Variants in OPCML observed in about 807,000 individuals in gnomAD.
OPCML encodes the protein opioid-binding protein/cell adhesion molecule.
Under a neutral mutation model 37.8 loss-of-function variants are expected in OPCML, and 13 were observed. The observed-to-expected ratio is 0.34, with a 90% CI of 0.22 to 0.55. The LOEUF (loss-of-function observed/expected upper bound fraction) is 0.55. Among genes scored for constraint, OPCML ranks in the 20% least tolerant of loss-of-function variants. OPCML has a pLI of 0.91. For synonymous variants in OPCML, 176 were observed against 168.8 expected (o/e 1.04, Z -0.33); for missense variants, 341 against 435.6 (o/e 0.78, Z 1.93).
chr11:132,900,095 T>C (rs977695458), intron 2 of OPCML, among the ~76,000 whole-genome samples: 3 of 152,176 alleles, frequency 2.0e-5, no homozygotes, highest in African/African-American at 4.8e-5. Context: ...TAGAGAACCC[T>C]GAGTAATACA....
At chr11:132,730,133 C>A (rs1945027590) in intron 2 of OPCML, among the ~76,000 whole-genome samples, 1 of 151,302 alleles carries the variant, frequency 6.6e-6, no homozygotes, top group South Asian at 2.1e-4. Context: ...CTGCCTCAGC[C>A]TCCCGAGTAG....
At chr11:132,951,513 G>T (rs1419477529) in intron 1 of OPCML, among the ~76,000 whole-genome samples, 6 of 152,158 alleles carry the variant, frequency 3.9e-5, no homozygotes, top group Non-Finnish European at 7.4e-5. Flanking sequence ...GAGTCACATT[G>T]GTGCTCAGAA....
intron 3 of OPCML, among the ~76,000 whole-genome samples, chr11:132,638,244 A>G (rs1940646056): frequency 6.7e-6 from 1 of 149,024 alleles, no homozygotes; most frequent in Non-Finnish European, 1.5e-5. Context: ...ATACATATCC[A>G]GCTTGATGTA....
chr11:132,653,435 T>C (rs564020180), intron 3 of OPCML, among the ~76,000 whole-genome samples: 18 of 152,264 alleles, frequency 1.2e-4, no homozygotes, highest in African/African-American at 4.1e-4. Context: ...GCTGCCAGGC[T>C]GATTTTCCCC....
intron 1 of OPCML, among the ~76,000 whole-genome samples, chr11:133,259,532 CT>C (rs1941424178): frequency 6.6e-6 from 1 of 152,182 alleles, no homozygotes; most frequent in African/African-American, 2.4e-5. Flanking sequence ...TCCTTGAAAT[CT>C]GAGATGTAGA....
intron 1 of OPCML, among the ~76,000 whole-genome samples, chr11:133,106,307 G>C (rs535939506): frequency 1.2e-4 from 19 of 152,292 alleles, no homozygotes; most frequent in Admixed American, 5.9e-4. Flanking sequence ...TGGGCCTGCA[G>C]GTTTCTAGAA....
At chr11:132,768,091 C>T (rs1432608585) in intron 2 of OPCML, among the ~76,000 whole-genome samples, 2 of 152,182 alleles carry the variant, frequency 1.3e-5, no homozygotes, top group African/African-American at 4.8e-5. Context: ...CACGTACACG[C>T]TGTGGTATAT....
At chr11:133,102,883 A>T (rs774775216) in intron 1 of OPCML, among the ~76,000 whole-genome samples, 4 of 152,234 alleles carry the variant, frequency 2.6e-5, no homozygotes, top group Non-Finnish European at 4.4e-5. Flanking sequence ...AGATAGAATT[A>T]TGACTATGGG....
chr11:132,468,622 C>A (rs2096126591), intron 4 of OPCML, among the ~76,000 whole-genome samples: 1 of 152,078 alleles, frequency 6.6e-6, no homozygotes, highest in South Asian at 2.1e-4. Context: ...CCAAGTATTC[C>A]AAATGAGTAT....
At chr11:132,484,679 C>T (rs2096193508) in intron 4 of OPCML, among the ~76,000 whole-genome samples, 1 of 151,992 alleles carries the variant, frequency 6.6e-6, no homozygotes, top group Non-Finnish European at 1.5e-5. Flanking sequence ...AAATGTCCAA[C>T]AACGATAGAC....
chr11:133,095,527 C>CA (rs574548840), intron 1 of OPCML, among the ~76,000 whole-genome samples: 2 of 146,086 alleles, frequency 1.4e-5, no homozygotes, highest in African/African-American at 2.5e-5. Flanking sequence ...TTAGTACCTT[C>CA]AAAAAAATGC....
At chr11:133,373,002 T>A (rs1234110929) in intron 1 of OPCML, among the ~76,000 whole-genome samples, 1 of 152,214 alleles carries the variant, frequency 6.6e-6, no homozygotes, top group Non-Finnish European at 1.5e-5. Context: ...TACAAAATAC[T>A]CTTTTCTTTG....
At chr11:133,076,808 C>A (rs898606934) in intron 1 of OPCML, among the ~76,000 whole-genome samples, 1 of 152,106 alleles carries the variant, frequency 6.6e-6, no homozygotes, top group South Asian at 2.1e-4. Flanking sequence ...GTGAAACATG[C>A]ACCTCCTGAC....
At chr11:132,505,894 A>G (rs952369793) in intron 4 of OPCML, among the ~76,000 whole-genome samples, 1 of 152,084 alleles carries the variant, frequency 6.6e-6, no homozygotes, top group Non-Finnish European at 1.5e-5. Context: ...TCTGCGAAAA[A>G]AAAAAAAAAT....
chr11:132,956,646 T>C (rs1167389673), intron 1 of OPCML, among the ~76,000 whole-genome samples: 5 of 152,194 alleles, frequency 3.3e-5, no homozygotes, highest in Admixed American at 2.0e-4. Context: ...ACCACACTTA[T>C]GTTAGACAAC....
In OPCML at chr11:133,177,104, C is replaced by G. The variant is rs528511263; in HGVS notation, c.62-234094G>C. Among the ~76,000 whole-genome samples the G allele has an allele frequency of 6.6e-6, 1 of 152,182 alleles. No individual in the cohort carries two copies. Among genetic ancestry groups the G allele is most frequent in the Admixed American group, 6.5e-5 (1 of 15,286 alleles). On this transcript the variant is annotated intron_variant, in intron 1 of 7. Coordinates refer to ENST00000524381, the MANE Select transcript of OPCML (RefSeq NM_001012393.5). This position sits in a 1 kb window ranked among gnomAD's most constrained non-coding sequence, Gnocchi z 5.0. ...GTCCAAGGGCCAGGTGTCACCACAA[C>G]CATGTATGTGTGATGGTTCTGTAAA...
intron 1 of OPCML, among the ~76,000 whole-genome samples, chr11:133,034,077 AGCTTGCTT>A (rs1476895983): frequency 6.6e-6 from 1 of 152,198 alleles, no homozygotes; most frequent in Non-Finnish European, 1.5e-5. Flanking sequence ...AGTGTGAAAG[AGCTTGCTT>A]GCCAACCATG....
chr11:133,000,666 C>T (rs77899512), intron 1 of OPCML, among the ~76,000 whole-genome samples: 4,222 of 152,300 alleles, frequency 0.028, 101 homozygotes, highest in Non-Finnish European at 0.044. Flanking sequence ...AGAAACCACA[C>T]TCTCTTTTCA....
intron 3 of OPCML, among the ~76,000 whole-genome samples, chr11:132,550,303 G>A (rs1277622821): frequency 6.6e-6 from 1 of 152,182 alleles, no homozygotes; most frequent in Admixed American, 6.5e-5. Flanking sequence ...CTGGTGGGCG[G>A]TGACTGGATC....
Sources: allele counts gnomAD v4.1 joint callset (sites outside exome capture counted in the v4.1 genomes callset), GRCh38; gene constraint gnomAD v4.1.1; non-coding constraint Gnocchi (gnomAD v3.1); transcripts MANE v1.5; gene names NCBI Gene and HGNC (gene_info 2026-07-23, HGNC 2026-07-21).